DENND5B: variants seen among roughly 807,000 people sequenced by gnomAD.
The protein encoded by DENND5B is DENN domain containing 5B, also known as DENN domain-containing protein 5B.
A neutral mutation model predicts 140.6 loss-of-function variants in DENND5B; 34 were observed. That is an observed-to-expected ratio of 0.24 (90% CI 0.18 to 0.32). The LOEUF (loss-of-function observed/expected upper bound fraction) is 0.32, where lower values mean the gene tolerates loss of function less well. DENND5B is among the 10% of genes least tolerant of loss of function. DENND5B has a pLI of 1.00. For synonymous variants in DENND5B, 551 were observed against 562.1 expected (o/e 0.98, Z 0.28); for missense variants, 1,142 against 1,560.2 (o/e 0.73, Z 4.52).
At chr12:31,582,554 G>A (rs1332459615) in intron 1 of DENND5B, among the ~76,000 whole-genome samples, 1 of 152,164 alleles carries the variant, frequency 6.6e-6, no homozygotes, top group Non-Finnish European at 1.5e-5. Context: ...CCTTTATACA[G>A]TAACACCTTA....
intron 2 of DENND5B, among the ~76,000 whole-genome samples, chr12:31,487,197 C>T (rs935600264): frequency 8.5e-5 from 13 of 152,202 alleles, no homozygotes; most frequent in African/African-American, 3.1e-4. Flanking sequence ...TATTAAATTA[C>T]TATGTATATT....
chr12:31,573,082 T>C (rs886380446), intron 1 of DENND5B, among the ~76,000 whole-genome samples: 2 of 152,134 alleles, frequency 1.3e-5, no homozygotes, highest in Non-Finnish European at 2.9e-5. Context: ...CTATCTATAA[T>C]CTCATCACAA....
chr12:31,400,688 C>G (rs947900712), intron 15 of DENND5B, among the ~76,000 whole-genome samples: 1 of 152,104 alleles, frequency 6.6e-6, no homozygotes, highest in Admixed American at 6.6e-5. Context: ...TCTGTCACCT[C>G]AAACATTTAT....
chr12:31,424,444 A>ATT (rs34764768), intron 10 of DENND5B, 91 bp downstream of exon 10: 10,842 of 1,247,736 alleles, frequency 8.7e-3, no homozygotes, highest in Non-Finnish European at 0.01. Context: ...AAAAGAGCCT[A>ATT]TTTTTTTTTA....
chr12:31,386,670 A>G lies in DENND5B; in HGVS notation c.*933T>C, dbSNP rs1299533214. On this transcript the variant is annotated 3_prime_UTR_variant, in exon 21 of 21. Coordinates refer to ENST00000389082, the MANE Select transcript of DENND5B (RefSeq NM_144973.4). ...GGGCCCTGGAGAGGTGGGTGATTAG[A>G]CCCTAACAAAGACAGGGCTCATGGT... 1 of 152,178 alleles carries G rather than the reference A, an allele frequency of 6.6e-6. No individual in the cohort carries two copies. The highest frequency in any genetic ancestry group is 2.4e-5 in the African/African-American group (1 of 41,440). 9.4% of individuals were successfully genotyped at this position (152,178 alleles called of 1,614,324 possible). A position where few individuals can be genotyped will look rare whatever the true frequency, so the allele number is the denominator to read the frequency against.
intron 2 of DENND5B, among the ~76,000 whole-genome samples, chr12:31,491,387 AG>A (rs571952331): frequency 1.8e-3 from 279 of 152,282 alleles, no homozygotes; most frequent in African/African-American, 6.3e-3. Flanking sequence ...CCGGAGGCAG[AG>A]GTTGTAAGTA....
chr12:31,576,200 C>A (rs1330157730), intron 1 of DENND5B, among the ~76,000 whole-genome samples: 1 of 149,242 alleles, frequency 6.7e-6, no homozygotes, highest in Non-Finnish European at 1.5e-5. Flanking sequence ...ACCTGTAATC[C>A]CAGCATTTTA....
intron 2 of DENND5B, among the ~76,000 whole-genome samples, chr12:31,489,160 T>C (rs1591905577): frequency 1.3e-5 from 2 of 152,008 alleles, no homozygotes; most frequent in Middle Eastern, 6.8e-3. Context: ...CAATACGTTA[T>C]ACCATATAAC....
intron 1 of DENND5B, among the ~76,000 whole-genome samples, chr12:31,501,454 C>T (rs1946997363): frequency 6.6e-6 from 1 of 152,108 alleles, no homozygotes; most frequent in South Asian, 2.1e-4. Context: ...CAGACGAATA[C>T]AAGAATATTA....
At chr12:31,456,353 C>T (rs960389728) in intron 4 of DENND5B, among the ~76,000 whole-genome samples, 1 of 149,448 alleles carries the variant, frequency 6.7e-6, no homozygotes, top group African/African-American at 2.5e-5. Context: ...AAAAAAATTC[C>T]CTCAAAAGTA....
chr12:31,542,730 T>G (rs1006637563), intron 1 of DENND5B, among the ~76,000 whole-genome samples: 4 of 151,960 alleles, frequency 2.6e-5, no homozygotes, highest in Admixed American at 2.0e-4. Flanking sequence ...CCAAAACGGG[T>G]GGATTCTTTG....
At chr12:31,456,198 C>T (rs921231648) in intron 4 of DENND5B, among the ~76,000 whole-genome samples, 1 of 151,922 alleles carries the variant, frequency 6.6e-6, no homozygotes. Flanking sequence ...AGTGTGGTGG[C>T]GTGCACCTGT....
At chr12:31,496,148 A>T (rs1438132683) in intron 1 of DENND5B, among the ~76,000 whole-genome samples, 1 of 152,240 alleles carries the variant, frequency 6.6e-6, no homozygotes, top group Non-Finnish European at 1.5e-5. Flanking sequence ...TACTCAACTG[A>T]TACTAAAAAT....
rs564268145 is a variant in DENND5B at position 31,512,973 on chromosome 12, T to C, written c.128-17054A>G. On this transcript the variant is annotated intron_variant, in intron 1 of 20. Transcript: ENST00000389082. ...CTGAGTTTTTACCTAAGATCCTTTT[T>C]GTGTTCAAGAATCTCACCCAAAATA... Among the ~76,000 whole-genome samples, 3 of 152,328 alleles carry C rather than the reference T, an allele frequency of 2.0e-5. No homozygotes were observed. The East Asian group carries it at 5.8e-4, about 29-fold the overall frequency.
intron 1 of DENND5B, among the ~76,000 whole-genome samples, chr12:31,535,790 CA>C (rs1259082921): frequency 3.3e-5 from 5 of 152,298 alleles, no homozygotes; most frequent in African/African-American, 1.2e-4. Context: ...ATGACCTCAC[CA>C]AATGAACTAA....
At chr12:31,470,164 G>T (rs969164153) in intron 3 of DENND5B, among the ~76,000 whole-genome samples, 1 of 146,106 alleles carries the variant, frequency 6.8e-6, no homozygotes, top group African/African-American at 2.6e-5. Flanking sequence ...ACCCAGGCTG[G>T]AGTGCAATGG....
intron 6 of DENND5B, among the ~76,000 whole-genome samples, chr12:31,446,949 T>G (rs1944303550): frequency 6.6e-6 from 1 of 150,738 alleles, no homozygotes; most frequent in Non-Finnish European, 1.5e-5. Flanking sequence ...GAAATTAACA[T>G]TTTTTCCATT....
Position 31,383,702 on chromosome 12 carries a change from T to G in DENND5B, c.*3901A>C, listed in dbSNP as rs1024672251. 1 of 152,132 alleles carries G rather than the reference T, an allele frequency of 6.6e-6. No homozygotes were observed. The highest frequency in any genetic ancestry group is 1.5e-5 in the Non-Finnish European group (1 of 68,032). The allele number at this position is 152,132 out of a possible 1,614,324, so 9.4% of individuals were successfully genotyped here. On this transcript the variant is annotated 3_prime_UTR_variant, in exon 21 of 21. Coordinates refer to ENST00000389082, the MANE Select transcript of DENND5B (RefSeq NM_144973.4). ...CACGTAGGACTCCACTTTATACTAC[T>G]TCACACTGACTCGCAGTCATTTTTA...
At position 31,451,317 on chromosome 12, in the gene DENND5B, T is replaced by A. The variant is rs200288051; in HGVS notation, c.1629+623A>T. ...GCAAAATGTAAGAGTTTCTATAAAT[T>A]TTTATTTATTTATTTATTTTTTTTG... On this transcript the variant is annotated intron_variant, in intron 5 of 20. Coordinates refer to ENST00000389082, the MANE Select transcript of DENND5B (RefSeq NM_144973.4). Among the ~76,000 whole-genome samples, 1,161 of 152,052 alleles carry A rather than the reference T, an allele frequency of 7.6e-3. 5 individuals carry two copies. The highest frequency in any genetic ancestry group is 0.011 in the Non-Finnish European group (722 of 67,970).
Sources: allele counts gnomAD v4.1 joint callset (sites outside exome capture counted in the v4.1 genomes callset), GRCh38; gene constraint gnomAD v4.1.1; transcripts MANE v1.5; gene names NCBI Gene and HGNC (gene_info 2026-07-23, HGNC 2026-07-21).